The following CNIH4 variants were observed in gnomAD, a reference collection of about 807,000 sequenced individuals.
CNIH4 encodes cornichon family member 4, also known as protein cornichon homolog 4.
In CNIH4, 9 loss-of-function variants were observed where a neutral mutation model predicts 21.5. The ratio of observed to expected loss-of-function variants is 0.42; its 90% CI spans 0.25 to 0.73. CNIH4 has a LOEUF of 0.73. Among genes scored for constraint, CNIH4 ranks in the 30% least tolerant of loss-of-function variants. CNIH4 has a pLI of 0.27. For missense variants in CNIH4, 159 were observed against 170.0 expected (o/e 0.94, Z 0.36); for synonymous variants, 67 against 59.1 (o/e 1.13, Z -0.61).
At position 224,378,582 on chromosome 1, in the gene CNIH4, G is replaced by C. The variant is rs1472810791; in HGVS notation, c.*2760G>C. 7.3e-6 allele frequency: 1 copy of C among 137,810 alleles called. No homozygotes were observed. The highest frequency in any genetic ancestry group is 2.7e-5 in the African/African-American group (1 of 36,466). 8.5% of individuals were successfully genotyped at this position (137,810 alleles called of 1,614,324 possible). On this transcript the variant is annotated 3_prime_UTR_variant, in exon 5 of 5. Transcript: ENST00000465271. ...ATCTGAATGCTGAGGCCTAGAGATC[G>C]TTCAGGGTGTTGTAACTGGGAACAT...
chr1:224,369,484 G>A (rs1387646613), intron 3 of CNIH4, among the ~76,000 whole-genome samples: 1 of 152,100 alleles, frequency 6.6e-6, no homozygotes, highest in Non-Finnish European at 1.5e-5. Flanking sequence ...CCTGAGGCAG[G>A]AGAATTGCTT....
chr1:224,366,141 A>G, intron 3 of CNIH4, 150 bp downstream of exon 3: 1 of 626,428 alleles, frequency 1.6e-6, no homozygotes, highest in Non-Finnish European at 2.9e-6. Flanking sequence ...TCCTCAGTTT[A>G]AGCGATTCTC....
rs1225160181 is a variant in CNIH4 at position 224,379,449 on chromosome 1, T to C, written c.*3627T>C. 24 of 226,234 alleles carry C rather than the reference T, an allele frequency of 1.1e-4. No homozygotes were observed. In the Admixed American group the frequency reaches 1.2e-3, roughly 11 times the overall value. 14.0% of individuals were successfully genotyped at this position (226,234 alleles called of 1,614,324 possible). A position where few individuals can be genotyped will look rare whatever the true frequency, so the allele number is the denominator to read the frequency against. ...AATAAATGATTGTTGAGTGAATAAG[T>C]AAACCTGATTGTGGTGTTCTATTGC... On this transcript the variant is annotated 3_prime_UTR_variant, in exon 5 of 5. Transcript: ENST00000465271.
In CNIH4 at chr1:224,364,356, G is replaced by A. The variant is rs557401443; in HGVS notation, c.139-1523G>A. The A allele has an allele frequency of 2.4e-5, 24 of 985,366 alleles. No individual in the cohort carries two copies. In the South Asian group the frequency reaches 6.6e-4, roughly 27 times the overall value. The allele number at this position is 985,366 out of a possible 1,614,324, so 61.0% of individuals were successfully genotyped here. ...TAGCTTTAGGGATCTGATATGGATC[G>A]CAGAGTATTAGTATAACATCAGCTG... On this transcript the variant is annotated intron_variant, in intron 2 of 4. Transcript: ENST00000465271.
chr1:224,375,989 A>C lies in CNIH4; in HGVS notation c.*167A>C. 7.7e-7 allele frequency: 1 copy of C among 1,290,592 alleles called. No individual in the cohort carries two copies. Among genetic ancestry groups the C allele is most frequent in the Non-Finnish European group, 9.8e-7 (1 of 1,017,430 alleles). 79.9% of individuals were successfully genotyped at this position (1,290,592 alleles called of 1,614,324 possible). The stretch of plus-strand genomic sequence containing the variant: ...TTACCATATAAAGTATTTAAAAAAC[A>C]TGAATTGAGTTTCTGTAGATTTCTA... On this transcript the variant is annotated 3_prime_UTR_variant, in exon 5 of 5. Transcript: ENST00000465271.
chr1:224,357,195 G>T (rs753624666), intron 1 of CNIH4: 3 of 573,078 alleles, frequency 5.2e-6, no homozygotes, highest in East Asian at 3.0e-5. Flanking sequence ...GGGCCCTGCT[G>T]CCCTGCACGC....
At chr1:224,357,088 C>A in intron 1 of CNIH4, 95 bp downstream of exon 1, 2 of 1,410,498 alleles carry the variant, frequency 1.4e-6, no homozygotes, top group South Asian at 2.5e-5. Flanking sequence ...ACTAGGGAGG[C>A]GCCCGGCGGC....
At chr1:224,372,982 T>C (rs900821824) in intron 4 of CNIH4, among the ~76,000 whole-genome samples, 2 of 152,130 alleles carry the variant, frequency 1.3e-5, no homozygotes, top group African/African-American at 4.8e-5. Flanking sequence ...ATCCCTTCAC[T>C]GTGCTAAATC....
chr1:224,376,392 C>G lies in CNIH4; in HGVS notation c.*570C>G, dbSNP rs147818983. The G allele has an allele frequency of 3.0e-4, 297 of 985,256 alleles. No homozygotes were observed. The African/African-American group carries it at 4.7e-3, about 16-fold the overall frequency. 61.0% of individuals were successfully genotyped at this position (985,256 alleles called of 1,614,324 possible). A position where few individuals can be genotyped will look rare whatever the true frequency, so the allele number is the denominator to read the frequency against. ...ATATTTCTTTGCACAATTTGTGAAA[C>G]CTTATAAGCCATTTTCCCCAGGTAC... is the stretch of plus-strand genomic sequence containing the variant. On this transcript the variant is annotated 3_prime_UTR_variant, in exon 5 of 5. Coordinates refer to ENST00000465271, the MANE Select transcript of CNIH4 (RefSeq NM_014184.4).
At chr1:224,369,298 C>T (rs139869640) in intron 3 of CNIH4, among the ~76,000 whole-genome samples, 84 of 152,226 alleles carry the variant, frequency 5.5e-4, no homozygotes, top group African/African-American at 1.9e-3. Flanking sequence ...TAGAGATGAG[C>T]GCAGTGGCTC....
intron 1 of CNIH4, among the ~76,000 whole-genome samples, chr1:224,357,941 A>G (rs916010067): frequency 2.0e-5 from 3 of 152,180 alleles, no homozygotes; most frequent in Non-Finnish European, 4.4e-5. Flanking sequence ...TATAAGAAAA[A>G]ACGTATGAGG....
intron 2 of CNIH4, chr1:224,364,072 A>G: frequency 2.0e-6 from 2 of 985,428 alleles, no homozygotes; most frequent in Non-Finnish European, 2.4e-6. Flanking sequence ...AACCAAGCAT[A>G]ATAAGGTGAA....
chr1:224,375,664 G>T, intron 4 of CNIH4, 131 bp from the exon 5 acceptor site: 1 of 948,516 alleles, frequency 1.1e-6, no homozygotes, highest in Non-Finnish European at 1.6e-6. Flanking sequence ...CTTTCCTTTG[G>T]GTATGAATGA....
At position 224,377,306 on chromosome 1, in the gene CNIH4, C is replaced by G. The variant is rs1672806310; in HGVS notation, c.*1484C>G. On this transcript the variant is annotated 3_prime_UTR_variant, in exon 5 of 5. Coordinates refer to ENST00000465271, the MANE Select transcript of CNIH4 (RefSeq NM_014184.4). ...AACAGACATTACTTTGCTTGCATCT[C>G]TTTTTCATACCTTTTCCCTCTGAGG... 1.3e-5 allele frequency: 2 copies of G among 152,196 alleles called. No individual in the cohort carries two copies. Among genetic ancestry groups the G allele is most frequent in the Non-Finnish European group, 2.9e-5 (2 of 68,046 alleles). The allele number at this position is 152,196 out of a possible 1,614,324, so 9.4% of individuals were successfully genotyped here.
At chr1:224,372,632 G>T (rs1334587202) in intron 4 of CNIH4, among the ~76,000 whole-genome samples, 1 of 151,936 alleles carries the variant, frequency 6.6e-6, no homozygotes, top group Non-Finnish European at 1.5e-5. Context: ...ACCCAGGGTG[G>T]AGTACAGTGG....
In CNIH4 at chr1:224,379,063, T is replaced by C; in HGVS notation, c.*3241T>C. The C allele has an allele frequency of 6.4e-7, 1 of 1,550,554 alleles. No individual in the cohort carries two copies. The highest frequency in any genetic ancestry group is 8.7e-7 in the Non-Finnish European group (1 of 1,146,940). ...TTCCCTTGCCTTTTTCCTTCTATCC[T>C]TTCAGTGGTAGCAACTGCCCTTGCT... On this transcript the variant is annotated 3_prime_UTR_variant, in exon 5 of 5. Coordinates refer to ENST00000465271, the MANE Select transcript of CNIH4 (RefSeq NM_014184.4).
intron 4 of CNIH4, among the ~76,000 whole-genome samples, chr1:224,375,142 A>G (rs748811364): frequency 7.8e-4 from 119 of 152,210 alleles, no homozygotes; most frequent in Non-Finnish European, 1.2e-3. Context: ...CCCCTACGGT[A>G]AAAGCTTGGA....
Position 224,365,879 on chromosome 1 carries a change from T to G in CNIH4, c.139T>G (p.Trp47Gly). ...GTAATACTGTGTTCTTCCATTGCAGTGGGTAATTCCAGAATTGATTGGCCA... is the reference window on the plus strand; with the variant it reads ...GTAATACTGTGTTCTTCCATTGCAGGGGGTAATTCCAGAATTGATTGGCCA... ...ARSCCSKLNK[W>G]VIPELIGHTI... is the part of the protein sequence containing the mutation. The change falls in exon 3 of 5, where the codon TGG (tryptophan) becomes GGG (glycine). Residue 47 changes from tryptophan (W) to glycine (G), a missense_variant and splice_region_variant. Physicochemically the swap from Trp to Gly is radical, Grantham distance 184. Coordinates refer to ENST00000465271, the MANE Select transcript of CNIH4 (RefSeq NM_014184.4). 1.9e-6 allele frequency: 3 copies of G among 1,567,786 alleles called. No individual in the cohort carries two copies. Among genetic ancestry groups the G allele is most frequent in the Non-Finnish European group, 2.6e-6 (3 of 1,137,780 alleles).
Position 224,378,140 on chromosome 1 carries a change from G to C in CNIH4, c.*2318G>C, listed in dbSNP as rs1041550880. The C allele has an allele frequency of 1.3e-5, 2 of 151,950 alleles. No individual in the cohort carries two copies. Among genetic ancestry groups the C allele is most frequent in the Non-Finnish European group, 2.9e-5 (2 of 68,066 alleles). The allele number at this position is 151,950 out of a possible 1,614,324, so 9.4% of individuals were successfully genotyped here. ...CGCAATCGTGGTACACTGCAGCCTT[G>C]AACTCCTGGACTCAAGCAGTCCTCC... On this transcript the variant is annotated 3_prime_UTR_variant, in exon 5 of 5. Coordinates refer to ENST00000465271, the MANE Select transcript of CNIH4 (RefSeq NM_014184.4).
Sources: allele counts gnomAD v4.1 joint callset (sites outside exome capture counted in the v4.1 genomes callset), GRCh38; gene constraint gnomAD v4.1.1; transcripts MANE v1.5; gene names NCBI Gene and HGNC (gene_info 2026-07-23, HGNC 2026-07-21).